Variants in THSD7B observed in about 807,000 individuals in gnomAD.
The protein encoded by THSD7B is thrombospondin type 1 domain containing 7B, also known as thrombospondin type-1 domain-containing protein 7B.
A neutral mutation model predicts 213.6 loss-of-function variants in THSD7B; 138 were observed. The ratio of observed to expected loss-of-function variants is 0.65; its 90% CI spans 0.56 to 0.74. THSD7B has a LOEUF of 0.74. THSD7B is among the 30% of genes least tolerant of loss of function. The pLI, the probability that THSD7B is intolerant of heterozygous loss-of-function variation, is 0.00. For synonymous variants in THSD7B, 742 were observed against 687.0 expected (o/e 1.08, Z -1.25); for missense variants, 1,931 against 1,991.5 (o/e 0.97, Z 0.58).
intron 15 of THSD7B, among the ~76,000 whole-genome samples, chr2:137,479,255 G>C (rs1647556067): frequency 6.6e-6 from 1 of 152,184 alleles, no homozygotes; most frequent in African/African-American, 2.4e-5. Context: ...TGCCTGCTCT[G>C]GTGGTAGTGG....
intron 6 of THSD7B, among the ~76,000 whole-genome samples, chr2:137,170,159 T>A (rs1680216895): frequency 6.6e-6 from 1 of 152,054 alleles, no homozygotes; most frequent in African/African-American, 2.4e-5. Flanking sequence ...CACAGTACAC[T>A]TTTTTTAAAC....
At chr2:137,262,302 G>T (rs1482546411) in intron 10 of THSD7B, among the ~76,000 whole-genome samples, 2 of 151,972 alleles carry the variant, frequency 1.3e-5, no homozygotes, top group Non-Finnish European at 2.9e-5. Context: ...GATGACATTT[G>T]TGCCCCTCAA....
intron 2 of THSD7B, among the ~76,000 whole-genome samples, chr2:137,009,896 T>C (rs141304368): frequency 8.5e-5 from 13 of 152,228 alleles, no homozygotes; most frequent in African/African-American, 1.9e-4. Context: ...TGGCACACAA[T>C]TGACATTTCA....
At chr2:137,487,412 C>A in intron 15 of THSD7B, among the ~76,000 whole-genome samples, 2 of 116,104 alleles carry the variant, frequency 1.7e-5, no homozygotes, top group African/African-American at 3.2e-5. Flanking sequence ...ACTAGAAAAG[C>A]AAGAGCAAAC....
intron 3 of THSD7B, among the ~76,000 whole-genome samples, chr2:137,070,197 G>T (rs1287146434): frequency 6.6e-6 from 1 of 150,946 alleles, no homozygotes; most frequent in Non-Finnish European, 1.5e-5. Context: ...TTACACAAAA[G>T]GTAGCAAGTT....
At chr2:137,368,463 T>C (rs2104946214) in intron 12 of THSD7B, among the ~76,000 whole-genome samples, 1 of 152,238 alleles carries the variant, frequency 6.6e-6, no homozygotes, top group East Asian at 1.9e-4. Flanking sequence ...AGGGTAGTAG[T>C]TAAATTAATT....
intron 7 of THSD7B, among the ~76,000 whole-genome samples, chr2:137,208,094 G>T (rs1262994845): frequency 6.6e-6 from 1 of 151,968 alleles, no homozygotes; most frequent in Non-Finnish European, 1.5e-5. Context: ...GGAAATTATC[G>T]CCAGACCAAC....
At chr2:137,170,711 C>T in intron 6 of THSD7B, 30 bp from the exon 7 acceptor site, 1 of 1,595,546 alleles carries the variant, frequency 6.3e-7, no homozygotes, top group Non-Finnish European at 8.5e-7. Flanking sequence ...GAGTGGAATT[C>T]TCTGAAAATT....
At position 136,984,899 on chromosome 2, in the gene THSD7B, T is replaced by C. The variant is rs1171969961; in HGVS notation, c.140-71521T>C. 2.6e-5 allele frequency among the ~76,000 whole-genome samples: 4 copies of C among 152,244 alleles called. 1 individual carries two copies. Among genetic ancestry groups the C allele is most frequent in the Admixed American group, 2.0e-4 (3 of 15,282 alleles). ...AAGTTATTGGGAAGGGGAGTGAAGA[T>C]CGCCCATGTATACCTTAGCAGAGAA... is the stretch of plus-strand genomic sequence containing the variant. On this transcript the variant is annotated intron_variant, in intron 2 of 27. Coordinates refer to ENST00000409968, the MANE Select transcript of THSD7B (RefSeq NM_001316349.2).
At chr2:137,314,005 G>A (rs990174856) in intron 12 of THSD7B, among the ~76,000 whole-genome samples, 38 of 152,064 alleles carry the variant, frequency 2.5e-4, no homozygotes, top group Admixed American at 1.3e-4. Flanking sequence ...TCTTCTCGAG[G>A]AGTATCTTTG....
chr2:137,320,287 A>G (rs896834924), intron 12 of THSD7B, among the ~76,000 whole-genome samples: 8 of 152,178 alleles, frequency 5.3e-5, no homozygotes, highest in Non-Finnish European at 7.3e-5. Flanking sequence ...TATATTTACC[A>G]TATGTATTGA....
At chr2:136,952,434 C>CTTTTTTTTTTTTTTTT (rs35848268) in intron 2 of THSD7B, among the ~76,000 whole-genome samples, 2 of 125,614 alleles carry the variant, frequency 1.6e-5, no homozygotes, top group African/African-American at 6.1e-5. Flanking sequence ...GGGCAGAAAA[C>CTTTTTTTTTTTTTTTT]TTTTTTTTTT....
At chr2:136,861,272 G>T (rs1683255563) in intron 1 of THSD7B, among the ~76,000 whole-genome samples, 2 of 152,162 alleles carry the variant, frequency 1.3e-5, no homozygotes, top group South Asian at 4.1e-4. Context: ...TTAGTGGTTT[G>T]CCTTCTATAA....
At chr2:137,602,680 T>C (rs1448447590) in intron 17 of THSD7B, among the ~76,000 whole-genome samples, 2 of 152,152 alleles carry the variant, frequency 1.3e-5, no homozygotes, top group African/African-American at 2.4e-5. Flanking sequence ...GCATCAGTGG[T>C]GGGGGACAAG....
chr2:137,037,990 A>C (rs1686809286), intron 2 of THSD7B, among the ~76,000 whole-genome samples: 1 of 152,198 alleles, frequency 6.6e-6, no homozygotes, highest in South Asian at 2.1e-4. Context: ...AATAAAAAAA[A>C]ATGTTTTGTT....
intron 2 of THSD7B, among the ~76,000 whole-genome samples, chr2:137,029,367 A>G (rs10208905): frequency 0.072 from 10,888 of 152,144 alleles, 412 homozygotes; most frequent in East Asian, 0.14. Flanking sequence ...GCACCATGCC[A>G]AGCCTGTAAG....
chr2:137,535,417 T>C (rs1268087501), intron 15 of THSD7B, among the ~76,000 whole-genome samples: 1 of 151,814 alleles, frequency 6.6e-6, no homozygotes, highest in African/African-American at 2.4e-5. Context: ...GGAAATGGAA[T>C]TCGAACACCT....
chr2:137,070,360 G>T (rs1434995924), intron 3 of THSD7B, among the ~76,000 whole-genome samples: 2 of 151,432 alleles, frequency 1.3e-5, no homozygotes, highest in Admixed American at 1.3e-4. Context: ...CCTACACTTG[G>T]ACATTTAGGT....
At chr2:137,060,213 G>A (rs1010279302) in intron 3 of THSD7B, among the ~76,000 whole-genome samples, 1 of 151,942 alleles carries the variant, frequency 6.6e-6, no homozygotes, top group Non-Finnish European at 1.5e-5. Context: ...TAATTGAGTT[G>A]TTTTCTTATT....
Sources: gnomAD v4.1 joint callset for allele counts (sites outside exome capture counted in the v4.1 genomes callset) on GRCh38, gnomAD v4.1.1 for gene constraint, MANE v1.5 for transcripts, NCBI Gene and HGNC (gene_info 2026-07-23, HGNC 2026-07-21) for gene names.